The following ZNF77 variants were observed in gnomAD, a reference collection of about 807,000 sequenced individuals.
ZNF77 encodes the protein ZNFpT1.
Under a neutral mutation model 13.5 loss-of-function variants are expected in ZNF77, and 15 were observed. The observed-to-expected ratio is 1.11, with a 90% CI of 0.74 to 1.71. The LOEUF is 1.71. Ranked by LOEUF, ZNF77 falls within the 40% of genes most tolerant of loss-of-function variation. The pLI, the probability that ZNF77 is intolerant of heterozygous loss-of-function variation, is 0.00. For missense variants in ZNF77, 717 were observed against 676.4 expected (o/e 1.06, Z -0.67); for synonymous variants, 282 against 250.0 (o/e 1.13, Z -1.21).
In ZNF77 at chr19:2,934,408, TGG is replaced by T. The variant is rs1216902158; in HGVS notation, c.717_718del (p.His240CysfsTer3). On this transcript the variant is annotated frameshift_variant, in exon 4 of 4. Transcript: ENST00000314531. LOFTEE classifies it low-confidence loss of function (END_TRUNC). ...GGTCTTCCCACATACTTTACATGCATGGGTTTTCTGCCCATGATGACTATTCA... is the reference window on the plus strand; with the variant it reads ...GGTCTTCCCACATACTTTACATGCATGTTTTCTGCCCATGATGACTATTCA... 12 of 1,614,124 alleles carry T rather than the reference TGG, an allele frequency of 7.4e-6. No homozygotes were observed. The highest frequency in any genetic ancestry group is 1.0e-5 in the Non-Finnish European group (12 of 1,180,050).
At chr19:2,942,945 T>A (rs1337061228) in intron 1 of ZNF77, among the ~76,000 whole-genome samples, 7 of 152,044 alleles carry the variant, frequency 4.6e-5, no homozygotes, top group Non-Finnish European at 7.4e-5. Context: ...CACGCCCGGC[T>A]AATTTTTGTA....
intron 1 of ZNF77, among the ~76,000 whole-genome samples, chr19:2,942,866 G>T (rs945474241): frequency 6.6e-6 from 1 of 152,100 alleles, no homozygotes; most frequent in African/African-American, 2.4e-5. Flanking sequence ...TGCAACCTCT[G>T]CCTCCCGAGT....
intron 1 of ZNF77, among the ~76,000 whole-genome samples, chr19:2,943,491 GT>G (rs1357620494): frequency 1.3e-5 from 2 of 151,832 alleles, no homozygotes; most frequent in Non-Finnish European, 2.9e-5. Flanking sequence ...TAAGTGTGGA[GT>G]CCCCTGTCAC....
Position 2,933,682 on chromosome 19 carries a change from T to C in ZNF77, c.1445A>G (p.His482Arg). ...AFSHAQYFQK[H>R]VRSHSGVKPY... Reference sequence around the variant, plus strand: ...TTTGACCCCACTGTGTGATCTCACATGCTTTTGAAAGTACTGAGCGTGGCT... The same window carrying C: ...TTTGACCCCACTGTGTGATCTCACACGCTTTTGAAAGTACTGAGCGTGGCT... The change falls in exon 4 of 4, where the codon CAT (histidine) becomes CGT (arginine). Residue 482 changes from histidine (H) to arginine (R), a missense_variant. By Grantham distance (29) the His-to-Arg change is conservative. Transcript: ENST00000314531. 5.0e-6 allele frequency: 8 copies of C among 1,612,520 alleles called. No individual in the cohort carries two copies. Among genetic ancestry groups the C allele is most frequent in the South Asian group, 1.1e-5 (1 of 90,968 alleles).
At chr19:2,937,224 C>T (rs892826437) in intron 2 of ZNF77, among the ~76,000 whole-genome samples, 16 of 152,130 alleles carry the variant, frequency 1.1e-4, no homozygotes, top group Non-Finnish European at 1.0e-4. Flanking sequence ...TGGCTCACGC[C>T]TGTAATCCCT....
chr19:2,936,306 C>A (rs1184399697), intron 3 of ZNF77, among the ~76,000 whole-genome samples: 1 of 152,038 alleles, frequency 6.6e-6, no homozygotes, highest in Admixed American at 6.6e-5. Context: ...AGCCACCACG[C>A]CCAGCTAATG....
At chr19:2,938,556 T>C (rs1025992583) in intron 2 of ZNF77, among the ~76,000 whole-genome samples, 2 of 152,184 alleles carry the variant, frequency 1.3e-5, no homozygotes, top group East Asian at 1.9e-4. Context: ...ACACAAAACT[T>C]TGTTTTCATG....
At chr19:2,941,795 C>G (rs2088451091) in intron 1 of ZNF77, among the ~76,000 whole-genome samples, 1 of 152,198 alleles carries the variant, frequency 6.6e-6, no homozygotes, top group South Asian at 2.1e-4. Flanking sequence ...GGGTCCCCCA[C>G]TGTCACAAAC....
Position 2,934,262 on chromosome 19 carries a change from T to A in ZNF77, c.865A>T (p.Thr289Ser), listed in dbSNP as rs145980708. The change falls in exon 4 of 4, where the codon ACA becomes TCA. Residue 289 changes from threonine to serine, a missense_variant. By Grantham distance (58) the Thr-to-Ser change is moderately conservative (BLOSUM62 1). Transcript: ENST00000314531. ...CPSYFREHVRTHTGEKPYECK... is the reference protein window; with the variant it reads ...CPSYFREHVRSHTGEKPYECK... ...TCATACGGTTTCTCTCCAGTGTGTG[T>A]TCTGACATGTTCTCGAAAGTATGAG... 2.2e-5 allele frequency: 36 copies of A among 1,613,416 alleles called. No homozygotes were observed. In the African/African-American group the frequency reaches 3.6e-4, roughly 16 times the overall value.
intron 3 of ZNF77, among the ~76,000 whole-genome samples, chr19:2,935,365 T>C (rs1372828264): frequency 2.1e-5 from 3 of 143,792 alleles, no homozygotes; most frequent in Non-Finnish European, 4.5e-5. Flanking sequence ...TTGCCCAGGC[T>C]GGAGTGCAAT....
In ZNF77 at chr19:2,933,760, C is replaced by T. The variant is rs200803527; in HGVS notation, c.1367G>A (p.Arg456Gln). 115 of 1,612,902 alleles carry T rather than the reference C, an allele frequency of 7.1e-5. 1 individual carries two copies. The highest frequency in any genetic ancestry group is 5.6e-4 in the South Asian group (51 of 91,028). Residue 456 changes from arginine to glutamine, a missense_variant, in exon 4 of 4, where the codon CGA becomes CAA. Transcript: ENST00000314531. ...GTACGGTTTCTCTCCGCTGTGGGTT[C>T]GCACATGCTCTCGAAGGGAGGAGTG... The part of the protein sequence containing the change: ...SCHSSLREHV[R>Q]THSGEKPYEC...
At chr19:2,937,625 G>A (rs540932771) in intron 2 of ZNF77, among the ~76,000 whole-genome samples, 5 of 152,246 alleles carry the variant, frequency 3.3e-5, no homozygotes, top group African/African-American at 9.6e-5. Context: ...AATGCTCCTC[G>A]TATACGAGGA....
chr19:2,938,596 G>A (rs1334493166), intron 2 of ZNF77, among the ~76,000 whole-genome samples: 7 of 152,102 alleles, frequency 4.6e-5, no homozygotes, highest in Non-Finnish European at 8.8e-5. Flanking sequence ...ATGTTCCATG[G>A]GTGTTGGGAT....
intron 1 of ZNF77, 26 bp from the exon 2 acceptor site, chr19:2,939,433 C>G: frequency 6.2e-7 from 1 of 1,611,516 alleles, no homozygotes; most frequent in African/African-American, 1.3e-5. Context: ...CATCCCACTT[C>G]AGCAAAGGCA....
intron 1 of ZNF77, among the ~76,000 whole-genome samples, chr19:2,943,259 C>T (rs1200006031): frequency 7.9e-5 from 12 of 151,782 alleles, no homozygotes; most frequent in East Asian, 7.7e-4. Context: ...TACTCTCCTG[C>T]CTCTAATCCA....
chr19:2,939,903 T>C (rs2088434536), intron 1 of ZNF77: 1 of 163,308 alleles, frequency 6.1e-6, no homozygotes, highest in African/African-American at 2.4e-5. Flanking sequence ...TCGCTTGAGC[T>C]CGGGGGTTCA....
Position 2,933,424 on chromosome 19 carries a change from G to A in ZNF77, c.*65C>T, listed in dbSNP as rs926306205. 1.3e-4 allele frequency: 201 copies of A among 1,491,696 alleles called. 1 individual carries two copies. Among genetic ancestry groups the A allele is most frequent in the Non-Finnish European group, 1.7e-4 (189 of 1,121,312 alleles). The allele number at this position is 1,491,696 out of a possible 1,614,324, so 92.4% of individuals were successfully genotyped here. A position where few individuals can be genotyped will look rare whatever the true frequency, so the allele number is the denominator to read the frequency against. On this transcript the variant is annotated 3_prime_UTR_variant, in exon 4 of 4. Transcript: ENST00000314531. ...TTCCTACATGCTCTACATAAATAAC[G>A]TTTCTCACATTTACAACAAGGTTTT...
At chr19:2,934,861 T>A in intron 3 of ZNF77, 46 bp from the exon 4 acceptor site, 1 of 1,534,040 alleles carries the variant, frequency 6.5e-7, no homozygotes, top group African/African-American at 1.4e-5. Flanking sequence ...TGACTATAAG[T>A]GATTAATTTA....
rs1216887183 is a variant in ZNF77 at position 2,933,533 on chromosome 19, G to C, written c.1594C>G (p.Leu532Val). 2.1e-5 allele frequency: 33 copies of C among 1,603,764 alleles called. No homozygotes were observed. Among genetic ancestry groups the C allele is most frequent in the Non-Finnish European group, 2.6e-5 (30 of 1,173,066 alleles). The change falls in exon 4 of 4, where the codon CTC (leucine) becomes GTC (valine). Residue 532 changes from leucine (L) to valine (V), a missense_variant. Leu to Val is a conservative substitution (Grantham distance 32, BLOSUM62 1). Transcript: ENST00000314531. ...CKQCGKTFRY[L>V]ASLQAHVRTH... Reference sequence around the variant, plus strand: ...CTCACATGTGCTTGAAGCGATGCGAGATACCTGAAGGTTTTCCCACACTGC... The same window carrying C: ...CTCACATGTGCTTGAAGCGATGCGACATACCTGAAGGTTTTCCCACACTGC...
Sources: allele counts gnomAD v4.1 joint callset (sites outside exome capture counted in the v4.1 genomes callset), GRCh38; gene constraint gnomAD v4.1.1; transcripts MANE v1.5; gene names NCBI Gene and HGNC (gene_info 2026-07-23, HGNC 2026-07-21).